The following NLGN1 variants were observed in gnomAD, a reference collection of about 807,000 sequenced individuals.
The protein encoded by NLGN1 is neuroligin 1.
Under a neutral mutation model 65.5 loss-of-function variants are expected in NLGN1, and 12 were observed. That is an observed-to-expected ratio of 0.18 (90% CI 0.12 to 0.30). The LOEUF (loss-of-function observed/expected upper bound fraction) is 0.30, where lower values mean the gene tolerates loss of function less well. NLGN1 is among the 10% of genes least tolerant of loss of function. The pLI is 1.00. For missense variants in NLGN1, 750 were observed against 1,007.1 expected (o/e 0.74, Z 3.46); for synonymous variants, 350 against 359.5 (o/e 0.97, Z 0.30).
intron 4 of NLGN1, among the ~76,000 whole-genome samples, chr3:173,856,468 T>TA (rs1200081882): frequency 1.3e-5 from 2 of 152,096 alleles, no homozygotes. Flanking sequence ...CTCTCCCAGG[T>TA]AAAAACTGAC....
chr3:173,918,876 C>T (rs565283822), intron 4 of NLGN1, among the ~76,000 whole-genome samples: 1 of 152,140 alleles, frequency 6.6e-6, no homozygotes, highest in South Asian at 2.1e-4. Context: ...GATTGCATTA[C>T]ATTTGGTGGC....
At chr3:173,864,841 A>G (rs1432190969) in intron 4 of NLGN1, among the ~76,000 whole-genome samples, 7 of 152,170 alleles carry the variant, frequency 4.6e-5, no homozygotes, top group Admixed American at 3.3e-4. Context: ...GGATATTTGT[A>G]GAGGTACTCT....
chr3:174,080,999 A>G (rs539213549), intron 4 of NLGN1, among the ~76,000 whole-genome samples: 1 of 150,530 alleles, frequency 6.6e-6, no homozygotes, highest in Admixed American at 6.6e-5. Flanking sequence ...ATACCTGACT[A>G]GCTACCTACT....
At position 174,157,451 on chromosome 3, in the gene NLGN1, T is replaced by A. The variant is rs145562189; in HGVS notation, c.647-117864T>A. ...GATTGATGAAAGGTTTTTAAAAAAA[T>A]TCATCAATGGGTTTAGATAATTCAG... On this transcript the variant is annotated intron_variant, in intron 4 of 6. Coordinates refer to ENST00000457714, the Ensembl canonical transcript of NLGN1. 7.2e-3 allele frequency among the ~76,000 whole-genome samples: 1,096 copies of A among 151,930 alleles called. 8 individuals are homozygous for A. The highest frequency in any genetic ancestry group is 0.022 in the African/African-American group (895 of 41,520).
chr3:173,754,330 C>A (rs1439320498), intron 3 of NLGN1, among the ~76,000 whole-genome samples: 1 of 152,108 alleles, frequency 6.6e-6, no homozygotes, highest in African/African-American at 2.4e-5. Flanking sequence ...AGATGAGCCA[C>A]TGTGCCTGGA....
At chr3:173,702,056 G>T (rs188635694) in intron 3 of NLGN1, among the ~76,000 whole-genome samples, 25 of 151,888 alleles carry the variant, frequency 1.6e-4, no homozygotes, top group Admixed American at 7.2e-4. Flanking sequence ...CGGCTAAAAC[G>T]GTGAAACCCC....
At chr3:173,984,698 A>C (rs866822131) in intron 4 of NLGN1, among the ~76,000 whole-genome samples, 1 of 152,194 alleles carries the variant, frequency 6.6e-6, no homozygotes, top group African/African-American at 2.4e-5. Flanking sequence ...CAGCATGAGA[A>C]GTGCTGAACT....
chr3:173,482,082 A>C (rs910681326), intron 2 of NLGN1, among the ~76,000 whole-genome samples: 4 of 151,892 alleles, frequency 2.6e-5, no homozygotes, highest in Admixed American at 2.6e-4. Flanking sequence ...GACATTGATC[A>C]TTCAGTTTTG....
intron 3 of NLGN1, chr3:173,695,520 C>T: frequency 5.9e-6 from 2 of 336,260 alleles, no homozygotes; most frequent in Non-Finnish European, 1.2e-5. Flanking sequence ...AAAACTAGAC[C>T]ATATATTCAA....
intron 3 of NLGN1, among the ~76,000 whole-genome samples, chr3:173,627,262 T>A (rs79509515): frequency 0.02 from 3,022 of 152,254 alleles, 113 homozygotes; most frequent in African/African-American, 0.067. Flanking sequence ...CTTTACAAAT[T>A]TGACTTTTTA....
At chr3:174,027,901 G>T (rs576257634) in intron 4 of NLGN1, among the ~76,000 whole-genome samples, 1 of 152,256 alleles carries the variant, frequency 6.6e-6, no homozygotes, top group African/African-American at 2.4e-5. Flanking sequence ...CATGTGTCAA[G>T]GGTGGGGCCA....
intron 2 of NLGN1, among the ~76,000 whole-genome samples, chr3:173,578,243 A>AAC (rs1745842951): frequency 6.6e-6 from 1 of 152,052 alleles, no homozygotes; most frequent in Non-Finnish European, 1.5e-5. Flanking sequence ...CTCAAAAAAA[A>AAC]AAAAAAGAAG....
chr3:173,920,624 T>G (rs1299358433), intron 4 of NLGN1: 1 of 152,124 alleles, frequency 6.6e-6, no homozygotes, highest in East Asian at 1.9e-4. Context: ...AGCTCAAAGT[T>G]TAAGAGTCAG....
Position 173,468,449 on chromosome 3 carries a change from A to G in NLGN1, c.-321+33371A>G, listed in dbSNP as rs559264380. 1.4e-4 allele frequency among the ~76,000 whole-genome samples: 22 copies of G among 152,228 alleles called. No homozygotes were observed. The South Asian group carries it at 2.1e-3, about 14-fold the overall frequency. ...AGAAACTTTAATAAAATTCCTTTAT[A>G]TCACCACTGCCTTACTCTCTGGCCC... On this transcript the variant is annotated intron_variant, in intron 2 of 6. Transcript: ENST00000457714.
intron 4 of NLGN1, among the ~76,000 whole-genome samples, chr3:174,166,845 T>A (rs1050157996): frequency 1.3e-5 from 2 of 152,122 alleles, no homozygotes; most frequent in African/African-American, 4.8e-5. Context: ...AAGTACTTTT[T>A]TATGAATACG....
At chr3:173,945,062 G>T (rs186253299) in intron 4 of NLGN1, among the ~76,000 whole-genome samples, 3 of 152,070 alleles carry the variant, frequency 2.0e-5, no homozygotes, top group East Asian at 3.9e-4. Context: ...TGATTGGATT[G>T]CTTTCTTCCA....
At chr3:173,922,970 T>G (rs2152268105) in intron 4 of NLGN1, among the ~76,000 whole-genome samples, 1 of 152,156 alleles carries the variant, frequency 6.6e-6, no homozygotes, top group East Asian at 1.9e-4. Flanking sequence ...CATGAAAAGC[T>G]TTTGTAATAA....
chr3:174,146,098 TTCCTTCCTTCC>T (rs1723189701), intron 4 of NLGN1, among the ~76,000 whole-genome samples: 1 of 54,428 alleles, frequency 1.8e-5, no homozygotes, highest in African/African-American at 1.7e-4. Flanking sequence ...ACTCTTTTCC[TTCCTTCCTTCC>T]TTCCTTCCTT....
At chr3:173,548,826 T>G (rs1740353768) in intron 2 of NLGN1, among the ~76,000 whole-genome samples, 1 of 151,994 alleles carries the variant, frequency 6.6e-6, no homozygotes, top group Non-Finnish European at 1.5e-5. Context: ...GAGATTCTAT[T>G]AAATGATTCT....
Sources: allele counts gnomAD v4.1 joint callset (sites outside exome capture counted in the v4.1 genomes callset), GRCh38; gene constraint gnomAD v4.1.1; transcripts MANE v1.5; gene names NCBI Gene and HGNC (gene_info 2026-07-23, HGNC 2026-07-21).